The following PCDH9 variants were observed in gnomAD, a reference collection of about 807,000 sequenced individuals.
PCDH9 encodes protocadherin-9.
A neutral mutation model predicts 70.6 loss-of-function variants in PCDH9; 24 were observed. The ratio of observed to expected loss-of-function variants is 0.34; its 90% confidence interval spans 0.25 to 0.48. The LOEUF (loss-of-function observed/expected upper bound fraction) is 0.48. Among genes scored for constraint, PCDH9 ranks in the 20% least tolerant of loss-of-function variants. PCDH9 has a pLI of 0.99. For missense variants in PCDH9, 1,281 were observed against 1,503.6 expected (o/e 0.85, Z 2.45); for synonymous variants, 562 against 558.5 (o/e 1.01, Z -0.09).
At chr13:67,040,889 A>G (rs775450936) in intron 2 of PCDH9, among the ~76,000 whole-genome samples, 1 of 152,196 alleles carries the variant, frequency 6.6e-6, no homozygotes, top group Non-Finnish European at 1.5e-5. Flanking sequence ...TTTTGAATGG[A>G]ACAAACACAA....
intron 3 of PCDH9, among the ~76,000 whole-genome samples, chr13:66,747,596 GC>G (rs1468406370): frequency 6.6e-6 from 1 of 151,956 alleles, no homozygotes; most frequent in Admixed American, 6.6e-5. Flanking sequence ...ATTAGGTGGT[GC>G]TTTTTTCTTC....
intron 4 of PCDH9, among the ~76,000 whole-genome samples, chr13:66,369,369 AGTTT>A (rs1388978527): frequency 1.3e-5 from 2 of 152,282 alleles, no homozygotes; most frequent in Non-Finnish European, 2.9e-5. Flanking sequence ...TCCTATAGTT[AGTTT>A]ATGACATAAC....
chr13:66,540,946 T>A (rs1053064054), intron 4 of PCDH9, among the ~76,000 whole-genome samples: 1 of 152,168 alleles, frequency 6.6e-6, no homozygotes, highest in African/African-American at 2.4e-5. Context: ...TCATTTGTAA[T>A]CTAATGGAGT....
chr13:66,504,735 G>C (rs1959194970), intron 4 of PCDH9, among the ~76,000 whole-genome samples: 1 of 152,318 alleles, frequency 6.6e-6, no homozygotes, highest in African/African-American at 2.4e-5. Flanking sequence ...ACTGGATAAA[G>C]GGGTGGATTG....
chr13:66,850,049 T>A (rs1186867711), intron 3 of PCDH9, among the ~76,000 whole-genome samples: 3 of 152,156 alleles, frequency 2.0e-5, no homozygotes, highest in Non-Finnish European at 4.4e-5. Flanking sequence ...ATTTCCTTTT[T>A]AGTGGCACAA....
chr13:66,641,221 A>G (rs935238287), intron 3 of PCDH9, among the ~76,000 whole-genome samples: 2 of 152,160 alleles, frequency 1.3e-5, no homozygotes, highest in Non-Finnish European at 2.9e-5. Flanking sequence ...CATCAGTCAC[A>G]TCTTTTTCAG....
At chr13:66,482,409 C>T (rs904426130) in intron 4 of PCDH9, among the ~76,000 whole-genome samples, 9 of 152,186 alleles carry the variant, frequency 5.9e-5, no homozygotes, top group African/African-American at 1.4e-4. Flanking sequence ...TTCCAGGACA[C>T]GCAGGCCCCT....
At chr13:66,846,065 T>C (rs1817954693) in intron 3 of PCDH9, among the ~76,000 whole-genome samples, 1 of 138,470 alleles carries the variant, frequency 7.2e-6, no homozygotes, top group Admixed American at 7.9e-5. Context: ...AGATGGGCCA[T>C]AACATTTCTA....
At chr13:66,676,158 G>C (rs974584774) in intron 3 of PCDH9, among the ~76,000 whole-genome samples, 1 of 152,104 alleles carries the variant, frequency 6.6e-6, no homozygotes, top group Non-Finnish European at 1.5e-5. Flanking sequence ...ACAGCATGAA[G>C]ATTCACAAAT....
At chr13:66,656,034 A>T (rs2077923953) in intron 3 of PCDH9, among the ~76,000 whole-genome samples, 1 of 152,162 alleles carries the variant, frequency 6.6e-6, no homozygotes, top group Non-Finnish European at 1.5e-5. Flanking sequence ...CTCACAATTG[A>T]TTCTAAGAGA....
At chr13:67,056,938 A>G (rs1328522555) in intron 2 of PCDH9, among the ~76,000 whole-genome samples, 2 of 152,214 alleles carry the variant, frequency 1.3e-5, no homozygotes, top group Non-Finnish European at 2.9e-5. Context: ...AAAATTTTGG[A>G]TACAAAGATG....
intron 2 of PCDH9, among the ~76,000 whole-genome samples, chr13:67,030,418 A>C (rs906563022): frequency 6.6e-6 from 1 of 152,000 alleles, no homozygotes; most frequent in Non-Finnish European, 1.5e-5. Flanking sequence ...GTGCTATCAA[A>C]CACTCAAACT....
chr13:66,987,432 A>T (rs1322775750), intron 2 of PCDH9, among the ~76,000 whole-genome samples: 1 of 152,046 alleles, frequency 6.6e-6, no homozygotes, highest in African/African-American at 2.4e-5. Flanking sequence ...TGTGTTATTG[A>T]CTATTTTAAA....
chr13:66,838,968 C>G (rs2081070377), intron 3 of PCDH9, among the ~76,000 whole-genome samples: 1 of 151,980 alleles, frequency 6.6e-6, no homozygotes, highest in African/African-American at 2.4e-5. Flanking sequence ...CTAACTCCCT[C>G]AAATGATTAT....
At chr13:66,333,184 G>T (rs1955973369) in intron 4 of PCDH9, among the ~76,000 whole-genome samples, 1 of 152,172 alleles carries the variant, frequency 6.6e-6, no homozygotes, top group South Asian at 2.1e-4. Flanking sequence ...TAAGGTAAGA[G>T]AAATAAGCAA....
chr13:66,335,683 T>G (rs568696398), intron 4 of PCDH9, among the ~76,000 whole-genome samples: 2 of 152,264 alleles, frequency 1.3e-5, no homozygotes, highest in African/African-American at 4.8e-5. Flanking sequence ...TCAAAACTTA[T>G]AGCCACAGTG....
intron 3 of PCDH9, among the ~76,000 whole-genome samples, chr13:66,835,257 C>T (rs1195199407): frequency 2.0e-5 from 3 of 152,194 alleles, no homozygotes; most frequent in African/African-American, 7.2e-5. Context: ...GTTCCCAGAA[C>T]TCCCGCACAC....
At chr13:66,843,371 CA>C (rs2081149287) in intron 3 of PCDH9, among the ~76,000 whole-genome samples, 1 of 151,946 alleles carries the variant, frequency 6.6e-6, no homozygotes, top group South Asian at 2.1e-4. Flanking sequence ...CACACACACA[CA>C]CATATACATG....
At chr13:66,965,276 A>T (rs1027874887) in intron 2 of PCDH9, among the ~76,000 whole-genome samples, 1 of 152,106 alleles carries the variant, frequency 6.6e-6, no homozygotes, top group African/African-American at 2.4e-5. Context: ...GTACTATTAT[A>T]GGAGCTTATT....
Sources: gnomAD v4.1 joint callset for allele counts (sites outside exome capture counted in the v4.1 genomes callset) on GRCh38, gnomAD v4.1.1 for gene constraint, MANE v1.5 for transcripts, NCBI Gene and HGNC (gene_info 2026-07-23, HGNC 2026-07-21) for gene names.